SPTA1: variants seen among roughly 807,000 people sequenced by gnomAD.
SPTA1 encodes spectrin alpha chain, erythrocytic 1.
SPTA1 carries 177 observed loss-of-function variants against 324.7 expected under a neutral mutation model. The ratio of observed to expected loss-of-function variants is 0.55; its 90% CI spans 0.48 to 0.62. SPTA1 has a LOEUF of 0.62. Ranked by LOEUF, SPTA1 falls within the 20% of genes least tolerant of loss-of-function variation. The probability of loss-of-function intolerance (pLI) is 0.00; values close to 1 mark genes in which losing one functional copy is unlikely to be tolerated. For synonymous variants in SPTA1, 1,195 were observed against 1,041.3 expected, an observed-to-expected ratio of 1.15 and a Z score of -2.84; for missense variants, 3,162 against 2,883.6, an observed-to-expected ratio of 1.10 and a Z score of -2.21.
At chr1:158,629,095 CAAAGCCAGGCGA>C (rs1650493143) in intron 39 of SPTA1, among the ~76,000 whole-genome samples, 1 of 151,630 alleles carries the variant, frequency 6.6e-6, no homozygotes, top group Non-Finnish European at 1.5e-5. Flanking sequence ...ACCCTGACAC[CAAAGCCAGGCGA>C]TAATTCTCTC....
At chr1:158,669,988 C>G (rs1557981202) in intron 12 of SPTA1, among the ~76,000 whole-genome samples, 1 of 152,158 alleles carries the variant, frequency 6.6e-6, no homozygotes, top group East Asian at 1.9e-4. Flanking sequence ...ATTACATTCT[C>G]TGTACCACAA....
chr1:158,662,969 C>G, intron 16 of SPTA1, 24 bp from the exon 17 acceptor site: 3 of 1,613,322 alleles, frequency 1.9e-6, no homozygotes, highest in Admixed American at 1.7e-5. Context: ...AGAATGAATG[C>G]GAAGAAATCC....
chr1:158,656,616 T>A lies in SPTA1; in HGVS notation c.2846A>T (p.Asn949Ile), dbSNP rs576741169. Reference protein sequence around the residue: ...KKHEAFLLDLNSFGDSMKALR... With the variant: ...KKHEAFLLDLISFGDSMKALR... ...AGCTTTCATACTGTCTCCAAATGAA[T>A]TGAGATCTAATAGAAAGGCCTCATG... Residue 949 changes from asparagine to isoleucine, a missense_variant, in exon 20 of 52, where the codon AAT becomes ATT. By Grantham distance (149) the Asn-to-Ile change is moderately radical. Coordinates refer to ENST00000643759, the MANE Select transcript of SPTA1 (RefSeq NM_003126.4). 5 of 1,613,920 alleles carry A rather than the reference T, an allele frequency of 3.1e-6. No individual in the cohort carries two copies. Among genetic ancestry groups the A allele is most frequent in the South Asian group, 2.2e-5 (2 of 91,078 alleles).
chr1:158,665,735 A>G (rs866227647), intron 16 of SPTA1, among the ~76,000 whole-genome samples: 10 of 152,162 alleles, frequency 6.6e-5, no homozygotes, highest in African/African-American at 2.2e-4. Context: ...ATTGGTTTCA[A>G]TTTTCCTTAT....
chr1:158,636,073 A>G, intron 37 of SPTA1, 39 bp from the exon 38 acceptor site: 1 of 1,613,544 alleles, frequency 6.2e-7, no homozygotes, highest in Non-Finnish European at 8.5e-7. Flanking sequence ...TTACCCCACA[A>G]TCTCTCCCCA....
At chr1:158,628,203 T>G (rs904550634) in intron 39 of SPTA1, among the ~76,000 whole-genome samples, 1 of 152,168 alleles carries the variant, frequency 6.6e-6, no homozygotes, top group Non-Finnish European at 1.5e-5. Context: ...AAACATGATG[T>G]CTGTGTAGCT....
chr1:158,638,101 T>C lies in SPTA1; in HGVS notation c.5121A>G (p.Glu1707=), dbSNP rs781449316. 1 of 1,614,096 alleles carries C rather than the reference T, an allele frequency of 6.2e-7. No individual in the cohort carries two copies. Among genetic ancestry groups the C allele is most frequent in the South Asian group, 1.1e-5 (1 of 91,090 alleles). ...NVQELAAAHH[E]KLKEAYALFQ... is the part of the protein sequence containing the mutation. ...ACAAGGCATAGGCCTCTTTCAATTT[T>C]TCGTGGTGTGCAGCTGCCAATTCTT... Residue 1707 remains glutamate, a synonymous_variant, in exon 36 of 52, where the codon GAA becomes GAG. Coordinates refer to ENST00000643759, the MANE Select transcript of SPTA1 (RefSeq NM_003126.4).
chr1:158,649,108 TTTTG>T (rs1171193664), intron 25 of SPTA1, among the ~76,000 whole-genome samples: 2 of 152,152 alleles, frequency 1.3e-5, no homozygotes, highest in Non-Finnish European at 2.9e-5. Flanking sequence ...TTAGTTTCTG[TTTTG>T]TTTGTTTACT....
intron 39 of SPTA1, among the ~76,000 whole-genome samples, chr1:158,632,393 AAT>A (rs1650741560): frequency 6.6e-6 from 1 of 152,350 alleles, no homozygotes; most frequent in East Asian, 1.9e-4. Context: ...AGTCAACAAT[AAT>A]ATGTTATACA....
chr1:158,672,934 C>CA (rs11343153), intron 10 of SPTA1, among the ~76,000 whole-genome samples: 332 of 133,454 alleles, frequency 2.5e-3, no homozygotes, highest in Middle Eastern at 7.6e-3. Flanking sequence ...CGGTTTCTAC[C>CA]AAAAAAAAAA....
In SPTA1 at chr1:158,615,291, A is replaced by T. The variant is rs1341845270; in HGVS notation, c.6713T>A (p.Leu2238Ter). Residue 2238 changes from leucine (L) to a stop codon, truncating the protein, a stop_gained, in exon 48 of 52, where the codon TTG becomes TAG. Transcript: ENST00000643759. LOFTEE classifies it high-confidence loss of function. Reference sequence around the variant, plus strand: ...GTAGAGCTGGTCCCACTGCTGAGCCAATCCAATGGTGCTGTATTTGATATC... The same window carrying T: ...GTAGAGCTGGTCCCACTGCTGAGCCTATCCAATGGTGCTGTATTTGATATC... The part of the protein sequence containing the change: ...ILDIKYSTIG[L>*]AQQWDQLYQL... 2 of 1,613,942 alleles carry T rather than the reference A, an allele frequency of 1.2e-6. No individual in the cohort carries two copies. The highest frequency in any genetic ancestry group is 1.7e-6 in the Non-Finnish European group (2 of 1,180,024).
Position 158,661,451 on chromosome 1 carries a change from G to A in SPTA1, c.2465-42C>T, listed in dbSNP as rs113455404. ...TTTCAAAGTTTCGGATTATCCTGGTGTATGGAAGTAGCATACCTCACTTTT... is the reference window on the plus strand; with the variant it reads ...TTTCAAAGTTTCGGATTATCCTGGTATATGGAAGTAGCATACCTCACTTTT... On this transcript the variant is annotated intron_variant, in intron 17 of 51. Transcript: ENST00000643759. The A allele has an allele frequency of 2.7e-4, 437 of 1,613,050 alleles. 1 individual carries two copies. In the African/African-American group the frequency reaches 5.0e-3, roughly 19 times the overall value.
At position 158,638,726 on chromosome 1, in the gene SPTA1, G is replaced by T. The variant is rs183607097; in HGVS notation, c.4981-485C>A. Reference sequence around the variant, plus strand: ...AGCTACTTGGGAGGCTGAGGCAGGAGAATTGCTTGAGCTGGTACCAAAAAA... The same window carrying T: ...AGCTACTTGGGAGGCTGAGGCAGGATAATTGCTTGAGCTGGTACCAAAAAA... On this transcript the variant is annotated intron_variant, in intron 35 of 51. Coordinates refer to ENST00000643759, the MANE Select transcript of SPTA1 (RefSeq NM_003126.4). 2.0e-3 allele frequency among the ~76,000 whole-genome samples: 234 copies of T among 116,784 alleles called. 1 individual carries two copies. The highest frequency in any genetic ancestry group is 6.8e-3 in the African/African-American group (202 of 29,582). The allele number at this position is 116,784 out of a possible 152,430, so 76.6% of individuals were successfully genotyped here. A position where few individuals can be genotyped will look rare whatever the true frequency, so the allele number is the denominator to read the frequency against.
At chr1:158,647,397 T>C in intron 27 of SPTA1, 142 bp downstream of exon 27, 1 of 1,033,840 alleles carries the variant, frequency 9.7e-7, no homozygotes, top group Non-Finnish European at 1.5e-6. Context: ...GTTTCAAACC[T>C]GAAATTTTTT....
At chr1:158,652,336 A>T in intron 23 of SPTA1, 131 bp downstream of exon 23, 1 of 1,028,262 alleles carries the variant, frequency 9.7e-7, no homozygotes, top group East Asian at 2.5e-5. Context: ...GGGAGATCTC[A>T]GCCACAGAGT....
At chr1:158,617,460 G>T in intron 47 of SPTA1, 77 bp downstream of exon 47, 1 of 1,208,820 alleles carries the variant, frequency 8.3e-7, no homozygotes, top group Non-Finnish European at 1.2e-6. Flanking sequence ...GTATCACCTG[G>T]GCTTCCCTTA....
intron 18 of SPTA1, among the ~76,000 whole-genome samples, chr1:158,658,864 A>G (rs2101882278): frequency 6.6e-6 from 1 of 152,282 alleles, no homozygotes; most frequent in Admixed American, 6.5e-5. Context: ...TACTGGAAGA[A>G]AGAAGTTGTC....
chr1:158,620,371 A>G lies in SPTA1; in HGVS notation c.6216T>C (p.Cys2072=), dbSNP rs780991959. The G allele has an allele frequency of 6.2e-7, 1 of 1,614,118 alleles. No individual in the cohort carries two copies. Among genetic ancestry groups the G allele is most frequent in the Non-Finnish European group, 8.5e-7 (1 of 1,180,040 alleles). Residue 2072 remains cysteine (C), a synonymous_variant, in exon 44 of 52, where the codon TGT becomes TGC. Coordinates refer to ENST00000643759, the MANE Select transcript of SPTA1 (RefSeq NM_003126.4). The part of the protein sequence containing the change: ...MEENLSEPVH[C]VSLNEIRQLQ... The stretch of plus-strand genomic sequence containing the variant: ...GCTGCCGAATTTCATTCAGGGAGAC[A>G]CAGTGCACAGGCTCTGACAAGTTTT...
Position 158,611,331 on chromosome 1 carries a change from G to C in SPTA1, c.7193C>G (p.Pro2398Arg), listed in dbSNP as rs1227576937. ...CATHMQQYMD[P>R]RGRSHLSGYD... is the part of the protein sequence containing the mutation. ...GCCAGAGAGATGGCTTCGACCCCGT[G>C]GGTCCATATATTGCTGCATATGTGT... The change falls in exon 52 of 52, where the codon CCA (proline) becomes CGA (arginine). Residue 2398 changes from proline to arginine, a missense_variant. By Grantham distance (103) the Pro-to-Arg change is moderately radical (BLOSUM62 -2). Transcript: ENST00000643759. 1 of 1,613,778 alleles carries C rather than the reference G, an allele frequency of 6.2e-7. No homozygotes were observed. Among genetic ancestry groups the C allele is most frequent in the Non-Finnish European group, 8.5e-7 (1 of 1,179,788 alleles).
Sources: gnomAD v4.1 joint callset for allele counts (sites outside exome capture counted in the v4.1 genomes callset) on GRCh38, gnomAD v4.1.1 for gene constraint, MANE v1.5 for transcripts, NCBI Gene and HGNC (gene_info 2026-07-23, HGNC 2026-07-21) for gene names.